KRT25: variants seen among roughly 807,000 people sequenced by gnomAD.
The protein encoded by KRT25 is keratin, type I cytoskeletal 25.
Under a neutral mutation model 47.6 loss-of-function variants are expected in KRT25, and 37 were observed. That is an observed-to-expected ratio of 0.78 (90% CI 0.60 to 1.02). KRT25 has a LOEUF of 1.02. Ranked by LOEUF, KRT25 falls within the 50% of genes least tolerant of loss-of-function variation. KRT25 has a pLI of 0.00. For missense variants in KRT25, 542 were observed against 550.3 expected (o/e 0.98, Z 0.15); for synonymous variants, 203 against 210.2 (o/e 0.97, Z 0.30).
At chr17:40,753,661 A>T (rs1266640027) in intron 3 of KRT25, among the ~76,000 whole-genome samples, 199 bp downstream of exon 3, 1 of 121,490 alleles carries the variant, frequency 8.2e-6, no homozygotes, top group African/African-American at 3.1e-5. Flanking sequence ...TTCAGCCTGG[A>T]CGGCAGAGCG....
intron 3 of KRT25, among the ~76,000 whole-genome samples, 175 bp from the exon 4 acceptor site, chr17:40,751,501 T>C (rs1267311029): frequency 6.6e-6 from 1 of 152,210 alleles, no homozygotes; most frequent in Admixed American, 6.5e-5. Flanking sequence ...TCAAAGACGG[T>C]GAACTCACTA....
At chr17:40,755,466 T>G, upstream of KRT25, 1 of 563,678 alleles carries the variant, frequency 1.8e-6, no homozygotes. Flanking sequence ...TTCTAATTAG[T>G]AACTCACTTT....
At chr17:40,749,405 T>C in intron 6 of KRT25, 80 bp from the exon 7 acceptor site, 2 of 1,049,626 alleles carry the variant, frequency 1.9e-6, no homozygotes, top group Non-Finnish European at 3.0e-6. Flanking sequence ...TCTTTAGCTC[T>C]TTGGTAGTTT....
rs140952603 is a variant in KRT25 at position 40,751,280 on chromosome 17, T to G, written c.716A>C (p.Glu239Ala). 4.0e-3 allele frequency: 6,518 copies of G among 1,614,066 alleles called. 84 individuals carry two copies. The highest frequency in any genetic ancestry group is 0.028 in the South Asian group (2,545 of 91,070). ...QCAAGGNVNVEMNAAPGVDLT... is the reference protein window; with the variant it reads ...QCAAGGNVNVAMNAAPGVDLT... ...GTCCACCCCGGGGGCTGCGTTCATC[T>G]CCACGTTCACGTTGCCTCCAGCTGC... is the stretch of plus-strand genomic sequence containing the variant. The change falls in exon 4 of 8, where the codon GAG becomes GCG. Residue 239 changes from glutamate to alanine, a missense_variant. Transcript: ENST00000312150.
At chr17:40,753,786 G>A (rs1404731781) in intron 3 of KRT25, 74 bp downstream of exon 3, 42 of 1,159,482 alleles carry the variant, frequency 3.6e-5, no homozygotes, top group Non-Finnish European at 4.9e-5. Context: ...TATATGAGAG[G>A]TTATGTACAT....
rs1288768326 is a variant in KRT25, at chr17:40,753,851, A to G, written c.669+9T>C. 1 of 1,613,488 alleles carries G rather than the reference A, an allele frequency of 6.2e-7. No homozygotes were observed. Among genetic ancestry groups the G allele is most frequent in the Non-Finnish European group, 8.5e-7 (1 of 1,179,686 alleles). ...GAGGGATAGCAAAATGTAGACGACC[A>G]GCTCTTACCTCTTTATGGTTCTTTT... On this transcript the variant is annotated intron_variant, in intron 3 of 7. Coordinates refer to ENST00000312150, the MANE Select transcript of KRT25 (RefSeq NM_181534.4).
At chr17:40,748,899 C>T (rs1050351311) in intron 7 of KRT25, among the ~76,000 whole-genome samples, 3 of 152,318 alleles carry the variant, frequency 2.0e-5, no homozygotes, top group Admixed American at 6.5e-5. Flanking sequence ...ATGTCTTTTA[C>T]AGGAACATGG....
chr17:40,751,918 C>T (rs910507748), intron 3 of KRT25, among the ~76,000 whole-genome samples: 3 of 147,642 alleles, frequency 2.0e-5, no homozygotes, highest in African/African-American at 7.7e-5. Flanking sequence ...GTGTGTACCC[C>T]TCAGGGAAGA....
intron 3 of KRT25, among the ~76,000 whole-genome samples, chr17:40,753,399 TTA>T (rs1427208229): frequency 2.0e-5 from 3 of 151,624 alleles, no homozygotes; most frequent in Non-Finnish European, 4.4e-5. Context: ...AATCTGACAC[TTA>T]AAAAGACAGC....
Position 40,748,305 on chromosome 17 carries a change from G to A in KRT25, c.1325C>T (p.Ser442Phe), listed in dbSNP as rs754754403. 17 of 1,611,944 alleles carry A rather than the reference G, an allele frequency of 1.1e-5. No homozygotes were observed. The highest frequency in any genetic ancestry group is 3.3e-5 in the Admixed American group (2 of 59,770). The change falls in exon 8 of 8, where the codon TCC (serine) becomes TTC (phenylalanine). Residue 442 changes from serine (S) to phenylalanine (F), a missense_variant. By Grantham distance (155) the Ser-to-Phe change is radical. Coordinates refer to ENST00000312150, the MANE Select transcript of KRT25 (RefSeq NM_181534.4). Reference sequence around the variant, plus strand: ...ATTGCTTTGAGATTTCTCTTCCAGGGAGTGGAGCCTGGTGGTAAGTATTTT... The same window carrying A: ...ATTGCTTTGAGATTTCTCTTCCAGGAAGTGGAGCCTGGTGGTAAGTATTTT... Reference protein sequence around the residue: ...RSKILTTRLHSLEEKSQSN With the variant: ...RSKILTTRLHFLEEKSQSN
chr17:40,752,004 G>C (rs1229189908), intron 3 of KRT25, among the ~76,000 whole-genome samples: 2 of 151,968 alleles, frequency 1.3e-5, no homozygotes, highest in African/African-American at 4.8e-5. Context: ...GGACTTTGGA[G>C]TCACGCAGAT....
intron 3 of KRT25, 77 bp downstream of exon 3, chr17:40,753,783 G>A (rs867352715): frequency 6.6e-6 from 7 of 1,067,350 alleles, no homozygotes; most frequent in Admixed American, 2.4e-5. Context: ...TTTTATATGA[G>A]AGGTTATGTA....
intron 3 of KRT25, among the ~76,000 whole-genome samples, chr17:40,752,946 G>T (rs1367154131): frequency 6.6e-6 from 1 of 152,182 alleles, no homozygotes; most frequent in Non-Finnish European, 1.5e-5. Flanking sequence ...CAATCCTAAA[G>T]ATGTAATTGC....
intron 6 of KRT25, among the ~76,000 whole-genome samples, chr17:40,749,631 T>C (rs368408608): frequency 6.6e-6 from 1 of 152,204 alleles, no homozygotes; most frequent in East Asian, 1.9e-4. Context: ...ATTCACCCTT[T>C]TAAGTTTTGC....
chr17:40,751,637 A>C (rs979909038), intron 3 of KRT25, among the ~76,000 whole-genome samples: 2 of 152,196 alleles, frequency 1.3e-5, no homozygotes, highest in African/African-American at 4.8e-5. Flanking sequence ...CTCAGAATGC[A>C]TCTTAATTCC....
At chr17:40,751,399 G>C in intron 3 of KRT25, 73 bp from the exon 4 acceptor site, 3 of 1,476,640 alleles carry the variant, frequency 2.0e-6, no homozygotes, top group Non-Finnish European at 2.7e-6. Context: ...GCTTTGGAAG[G>C]GCACTTAGAG....
Position 40,755,268 on chromosome 17 carries a change from A to G in KRT25, c.4T>C (p.Ser2Pro), listed in dbSNP as rs374573248. Residue 2 changes from serine (S) to proline (P), a missense_variant, in exon 1 of 8, where the codon TCT becomes CCT. Physicochemically the swap from Ser to Pro is moderately conservative, Grantham distance 74. Transcript: ENST00000312150. M[S>P]LRLSSASRRS... ...CTGGATGCACTGGAAAGTCGAAGAG[A>G]CATGGTATCAGGGCAAACGCGTTGC... 1.9e-6 allele frequency: 3 copies of G among 1,612,626 alleles called. No homozygotes were observed. The African/African-American group carries it at 4.0e-5, about 22-fold the overall frequency.
Position 40,755,198 on chromosome 17 carries a change from C to T in KRT25, c.74G>A (p.Gly25Asp). 1 of 1,614,218 alleles carries T rather than the reference C, an allele frequency of 6.2e-7. No homozygotes were observed. Among genetic ancestry groups the T allele is most frequent in the Non-Finnish European group, 8.5e-7 (1 of 1,180,036 alleles). ...TCCAGTACCAAAGCTGGTTCCCCCA[C>T]CATAGAGTCTGAGTGATCCAGTGGT... ...RPTTGSLRLYGGGTSFGTGNS... is the reference protein window; with the variant it reads ...RPTTGSLRLYDGGTSFGTGNS... Residue 25 changes from glycine to aspartate, a missense_variant, in exon 1 of 8, where the codon GGT (glycine) becomes GAT (aspartate). Gly to Asp is a moderately conservative substitution (Grantham distance 94). Coordinates refer to ENST00000312150, the MANE Select transcript of KRT25 (RefSeq NM_181534.4).
intron 1 of KRT25, 77 bp downstream of exon 1, chr17:40,754,766 T>C (rs934937217): frequency 7.5e-7 from 1 of 1,327,942 alleles, no homozygotes; most frequent in African/African-American, 1.5e-5. Context: ...TAAATGTTTT[T>C]AGAATTTAAT....
Sources: gnomAD v4.1 joint callset for allele counts (sites outside exome capture counted in the v4.1 genomes callset) on GRCh38, gnomAD v4.1.1 for gene constraint, MANE v1.5 for transcripts, NCBI Gene and HGNC (gene_info 2026-07-23, HGNC 2026-07-21) for gene names.